Variants in FHIT observed in about 807,000 individuals in gnomAD.
The protein encoded by FHIT is fragile histidine triad diadenosine triphosphatase.
A neutral mutation model predicts 17.9 loss-of-function variants in FHIT; 19 were observed. The observed-to-expected ratio is 1.06, with a 90% CI of 0.74 to 1.56. The LOEUF is 1.56. Among genes scored for constraint, FHIT ranks in the 40% most tolerant of loss-of-function variants. The probability of loss-of-function intolerance (pLI) is 0.00; values close to 1 mark genes in which losing one functional copy is unlikely to be tolerated. For synonymous variants in FHIT, 81 were observed against 69.7 expected (o/e 1.16, Z -0.81); for missense variants, 248 against 189.2 (o/e 1.31, Z -1.82).
chr3:60,104,610 C>T (rs1389385077), intron 5 of FHIT, among the ~76,000 whole-genome samples: 1 of 151,480 alleles, frequency 6.6e-6, no homozygotes, highest in Non-Finnish European at 1.5e-5. Context: ...CAAAAGATTA[C>T]AGATGAGAAC....
intron 2 of FHIT, among the ~76,000 whole-genome samples, chr3:61,043,348 T>A (rs1189071872): frequency 2.0e-5 from 3 of 151,994 alleles, no homozygotes; most frequent in African/African-American, 7.2e-5. Context: ...GCTCGGAGGG[T>A]CCCACGCCCA....
At chr3:59,960,681 T>A (rs539566879) in intron 7 of FHIT, among the ~76,000 whole-genome samples, 2 of 152,362 alleles carry the variant, frequency 1.3e-5, no homozygotes, top group South Asian at 4.1e-4. Context: ...AATCACTATA[T>A]TCTTCTAATA....
intron 8 of FHIT, among the ~76,000 whole-genome samples, chr3:59,755,215 G>A (rs752608432): frequency 6.6e-6 from 1 of 152,144 alleles, no homozygotes; most frequent in South Asian, 2.1e-4. Flanking sequence ...CTCTGTCCAT[G>A]GGATGTCTGG....
chr3:60,750,708 C>A (rs1356926117), intron 4 of FHIT, among the ~76,000 whole-genome samples: 3 of 152,144 alleles, frequency 2.0e-5, no homozygotes, highest in Non-Finnish European at 4.4e-5. Flanking sequence ...TCTTTATCAG[C>A]AGTGTGAAAA....
chr3:59,756,136 T>C (rs994930), intron 8 of FHIT, among the ~76,000 whole-genome samples: 76,013 of 152,018 alleles, frequency 0.5, 21,123 homozygotes, highest in African/African-American at 0.76. Flanking sequence ...GCACTAAAAA[T>C]TCCACAGAGG....
chr3:61,149,536 C>T (rs2037323233), intron 2 of FHIT, among the ~76,000 whole-genome samples: 1 of 151,864 alleles, frequency 6.6e-6, no homozygotes. Flanking sequence ...GAAATACAGT[C>T]CTATTCTAAA....
intron 5 of FHIT, among the ~76,000 whole-genome samples, chr3:60,036,140 C>T (rs971609422): frequency 1.3e-5 from 2 of 152,160 alleles, no homozygotes; most frequent in African/African-American, 4.8e-5. Context: ...TTCCACCAAA[C>T]CACAAGAAGC....
At chr3:61,011,740 T>C (rs1413272601) in intron 3 of FHIT, among the ~76,000 whole-genome samples, 1 of 152,164 alleles carries the variant, frequency 6.6e-6, no homozygotes, top group Non-Finnish European at 1.5e-5. Flanking sequence ...TGTCAAAGAA[T>C]ACATTGCTCC....
intron 4 of FHIT, among the ~76,000 whole-genome samples, chr3:60,700,098 T>G (rs1577083516): frequency 7.0e-6 from 1 of 143,058 alleles, no homozygotes; most frequent in Non-Finnish European, 1.5e-5. Context: ...GCCACTGCAC[T>G]CCAGCCTGGG....
intron 5 of FHIT, among the ~76,000 whole-genome samples, chr3:60,307,451 A>C (rs1204182178): frequency 6.6e-6 from 1 of 152,162 alleles, no homozygotes; most frequent in Non-Finnish European, 1.5e-5. Flanking sequence ...GATACAGGGG[A>C]ATATGAACTG....
intron 3 of FHIT, among the ~76,000 whole-genome samples, chr3:61,041,320 T>C (rs912983302): frequency 4.6e-5 from 7 of 151,420 alleles, no homozygotes; most frequent in Admixed American, 1.3e-4. Flanking sequence ...GAAGTTGCGG[T>C]GAGCTGAGAT....
chr3:60,301,628 C>A (rs1402439315), intron 5 of FHIT, among the ~76,000 whole-genome samples: 1 of 152,168 alleles, frequency 6.6e-6, no homozygotes, highest in Non-Finnish European at 1.5e-5. Context: ...GTTGGTTCAC[C>A]TTTGCAACAG....
chr3:60,837,156 A>G lies in FHIT; in HGVS notation c.-110-15145T>C, dbSNP rs549208271. 8.5e-5 allele frequency among the ~76,000 whole-genome samples: 13 copies of G among 152,276 alleles called. No individual in the cohort carries two copies. The East Asian group carries it at 2.5e-3, about 29-fold the overall frequency. ...GAACTTCTAAGAAGGCACAGTAATT[A>G]GATACTAGTATATACTTAGACAAAT... On this transcript the variant is annotated intron_variant, in intron 3 of 9. Coordinates refer to ENST00000492590, the MANE Select transcript of FHIT (RefSeq NM_002012.4).
At chr3:61,024,562 T>C (rs1029155163) in intron 3 of FHIT, among the ~76,000 whole-genome samples, 1 of 152,240 alleles carries the variant, frequency 6.6e-6, no homozygotes, top group Non-Finnish European at 1.5e-5. Context: ...TTGTTACATT[T>C]GTATGTATGA....
intron 5 of FHIT, among the ~76,000 whole-genome samples, chr3:60,334,829 T>G (rs1010491703): frequency 6.6e-6 from 1 of 152,164 alleles, no homozygotes; most frequent in Non-Finnish European, 1.5e-5. Flanking sequence ...AAAAACTATA[T>G]ATTGATTAAA....
chr3:60,559,181 G>C (rs2036845185), intron 4 of FHIT, among the ~76,000 whole-genome samples: 1 of 152,102 alleles, frequency 6.6e-6, no homozygotes. Context: ...TTAGCAAATT[G>C]TGTAAATCCA....
intron 5 of FHIT, among the ~76,000 whole-genome samples, chr3:60,126,159 TC>T (rs1705539303): frequency 6.6e-6 from 1 of 152,138 alleles, no homozygotes; most frequent in African/African-American, 2.4e-5. Flanking sequence ...CTCCTGTTTC[TC>T]CCAAAGTACT....
intron 4 of FHIT, among the ~76,000 whole-genome samples, chr3:60,577,007 C>A (rs554714001): frequency 5.3e-5 from 8 of 149,888 alleles, no homozygotes; most frequent in African/African-American, 2.0e-4. Flanking sequence ...ATAGATAATT[C>A]AATATTCAAC....
At chr3:60,085,358 T>G (rs1703452232) in intron 5 of FHIT, among the ~76,000 whole-genome samples, 1 of 152,126 alleles carries the variant, frequency 6.6e-6, no homozygotes, top group Non-Finnish European at 1.5e-5. Flanking sequence ...GCTTGGGTTT[T>G]TTTCCATATG....
Sources: allele counts gnomAD v4.1 joint callset (sites outside exome capture counted in the v4.1 genomes callset), GRCh38; gene constraint gnomAD v4.1.1; transcripts MANE v1.5; gene names NCBI Gene and HGNC (gene_info 2026-07-23, HGNC 2026-07-21).